DRC2: variants seen among roughly 807,000 people sequenced by gnomAD.
The protein encoded by DRC2 is dynein regulatory complex subunit 2, also known as coiled-coil domain containing 65.
the DRC2 span, chr12:48,914,651 C>T: frequency 1.5e-6 from 2 of 1,367,362 alleles, no homozygotes; most frequent in Non-Finnish European, 2.0e-6. Context: ...TGCCTGTAAG[C>T]AAGTGGCTAG....
chr12:48,905,560 G>A, the DRC2 span, among the ~76,000 whole-genome samples: 1 of 152,168 alleles, frequency 6.6e-6, no homozygotes, highest in African/African-American at 2.4e-5. Flanking sequence ...TTCAACTTCA[G>A]TGGCCCTGGA....
At chr12:48,916,226 C>T in the DRC2 span, among the ~76,000 whole-genome samples, 1 of 152,150 alleles carries the variant, frequency 6.6e-6, no homozygotes, top group East Asian at 1.9e-4. Flanking sequence ...GCAATCTCGG[C>T]ACTTCGGGAG....
the DRC2 span, among the ~76,000 whole-genome samples, chr12:48,916,209 A>C: frequency 1.3e-5 from 2 of 152,066 alleles, no homozygotes; most frequent in Non-Finnish European, 2.9e-5. Flanking sequence ...GCGGCCGGGC[A>C]GAGGCTGCAA....
the DRC2 span, among the ~76,000 whole-genome samples, chr12:48,905,636 C>T: frequency 1.3e-5 from 2 of 152,196 alleles, no homozygotes; most frequent in African/African-American, 2.4e-5. Flanking sequence ...ATCAGCCATC[C>T]TTATGCTCTT....
At chr12:48,918,472 G>A in the DRC2 span, 3 of 1,613,276 alleles carry the variant, frequency 1.9e-6, no homozygotes, top group Non-Finnish European at 1.7e-6. Flanking sequence ...AGAAACTACA[G>A]GTTAGTGTAG....
the DRC2 span, among the ~76,000 whole-genome samples, chr12:48,905,631 C>T: frequency 1.3e-5 from 2 of 152,162 alleles, no homozygotes; most frequent in African/African-American, 2.4e-5. Context: ...ATTCAATCAG[C>T]CATCCTTATG....
At chr12:48,907,304 G>T in the DRC2 span, among the ~76,000 whole-genome samples, 2 of 152,176 alleles carry the variant, frequency 1.3e-5, no homozygotes, top group East Asian at 3.9e-4. Context: ...AAGTTTGTGG[G>T]AGTTATGTAT....
the DRC2 span, among the ~76,000 whole-genome samples, chr12:48,909,501 G>A: frequency 1.3e-5 from 2 of 151,676 alleles, no homozygotes; most frequent in East Asian, 1.9e-4. Flanking sequence ...TTTTTGAGAC[G>A]GAGTCTCATT....
the DRC2 span, among the ~76,000 whole-genome samples, chr12:48,907,756 G>GAAATTCT: frequency 6.6e-6 from 1 of 152,120 alleles, no homozygotes; most frequent in African/African-American, 2.4e-5. Flanking sequence ...CCTGGGTCTT[G>GAAATTCT]AAATTCTCCT....
the DRC2 span, among the ~76,000 whole-genome samples, chr12:48,911,160 C>T: frequency 4.6e-5 from 7 of 152,304 alleles, no homozygotes; most frequent in East Asian, 1.3e-3. Context: ...TATCAAGAGG[C>T]ACATATTGTC....
chr12:48,916,909 T>C, the DRC2 span: 2 of 1,526,914 alleles, frequency 1.3e-6, no homozygotes, highest in Non-Finnish European at 1.8e-6. Flanking sequence ...TGCTTTGAAT[T>C]GTCATTATTG....
the DRC2 span, among the ~76,000 whole-genome samples, chr12:48,915,114 CTTT>C: frequency 7.5e-6 from 1 of 133,920 alleles, no homozygotes; most frequent in Non-Finnish European, 1.6e-5. Flanking sequence ...CACTTTCTTT[CTTT>C]TTTTTTTTTT....
chr12:48,918,015 A>G, the DRC2 span: 1 of 404,956 alleles, frequency 2.5e-6, no homozygotes, highest in Non-Finnish European at 4.4e-6. Flanking sequence ...CCACATTTCC[A>G]AATGGCAAGG....
At chr12:48,916,537 C>G in the DRC2 span, among the ~76,000 whole-genome samples, 1 of 152,118 alleles carries the variant, frequency 6.6e-6, no homozygotes, top group Non-Finnish European at 1.5e-5. Context: ...TGCAGTGAGC[C>G]GAGATGGCAG....
At chr12:48,905,307 TTCTTG>T in the DRC2 span, among the ~76,000 whole-genome samples, 1 of 152,218 alleles carries the variant, frequency 6.6e-6, no homozygotes, top group Non-Finnish European at 1.5e-5. Context: ...GGACCCACTC[TTCTTG>T]TCATCTATTG....
the DRC2 span, among the ~76,000 whole-genome samples, chr12:48,917,649 G>A: frequency 6.6e-6 from 1 of 152,124 alleles, no homozygotes; most frequent in African/African-American, 2.4e-5. Flanking sequence ...ATGCATTTTA[G>A]AGCTAAAAAG....
At chr12:48,907,617 C>G in the DRC2 span, among the ~76,000 whole-genome samples, 1 of 152,212 alleles carries the variant, frequency 6.6e-6, no homozygotes, top group East Asian at 1.9e-4. Context: ...TATCCCACAG[C>G]ATCTGATTTC....
At chr12:48,920,126 A>AG in the DRC2 span, among the ~76,000 whole-genome samples, 2 of 149,122 alleles carry the variant, frequency 1.3e-5, no homozygotes, top group East Asian at 2.0e-4. Context: ...AAAAAAAAAA[A>AG]AAAAAAAAAA....
chr12:48,920,849 G>C, the DRC2 span: 2 of 1,388,082 alleles, frequency 1.4e-6, no homozygotes, highest in East Asian at 2.3e-5. Context: ...AGCTTCCCTG[G>C]GTTCAAACAG....
Sources: allele counts gnomAD v4.1 joint callset (sites outside exome capture counted in the v4.1 genomes callset), GRCh38; gene constraint gnomAD v4.1.1; transcripts MANE v1.5; gene names NCBI Gene and HGNC (gene_info 2026-07-23, HGNC 2026-07-21).